Variants in ZNF577 observed in about 807,000 individuals in gnomAD.
ZNF577 encodes the protein zinc finger protein 577.
ZNF577 carries 14 observed loss-of-function variants against 13.9 expected under a neutral mutation model. The ratio of observed to expected loss-of-function variants is 1.00; its 90% CI spans 0.66 to 1.57. The LOEUF is 1.57. Ranked by LOEUF, ZNF577 falls within the 40% of genes most tolerant of loss-of-function variation. ZNF577 has a pLI of 0.00. For missense variants in ZNF577, 555 were observed against 579.2 expected, an observed-to-expected ratio of 0.96 and a Z score of 0.43; for synonymous variants, 203 against 202.9, an observed-to-expected ratio of 1.00 and a Z score of 0.00.
At chr19:51,852,102 T>G (rs559598735) in intron 5 of ZNF577, among the ~76,000 whole-genome samples, 51 of 152,202 alleles carry the variant, frequency 3.4e-4, no homozygotes, top group Non-Finnish European at 6.2e-4. Flanking sequence ...CTGTCCTGCC[T>G]CTAGGGCTAT....
chr19:51,853,728 G>C (rs1222103628), intron 5 of ZNF577, among the ~76,000 whole-genome samples: 1 of 152,146 alleles, frequency 6.6e-6, no homozygotes, highest in South Asian at 2.1e-4. Context: ...AACTTTCATT[G>C]AAAATAAGTT....
chr19:51,833,507 G>A (rs149401569), intron 9 of ZNF577, among the ~76,000 whole-genome samples: 107 of 152,262 alleles, frequency 7.0e-4, no homozygotes, highest in African/African-American at 2.5e-3. Flanking sequence ...GCAAAAGCTA[G>A]TTCAGGCATC....
At chr19:51,832,580 G>C (rs1003358964) in intron 9 of ZNF577, among the ~76,000 whole-genome samples, 4 of 151,992 alleles carry the variant, frequency 2.6e-5, no homozygotes, top group African/African-American at 9.7e-5. Flanking sequence ...TTTACAGATT[G>C]TGCTTTTGGT....
At chr19:51,856,892 C>G (rs991434317) in intron 5 of ZNF577, among the ~76,000 whole-genome samples, 1 of 151,850 alleles carries the variant, frequency 6.6e-6, no homozygotes, top group Admixed American at 6.6e-5. Context: ...TTCCTAGAAG[C>G]AGCATGATTT....
chr19:51,824,815 G>C lies in ZNF577; in HGVS notation c.*600-13141C>G. On this transcript the variant is annotated intron_variant and NMD_transcript_variant, in intron 9 of 10. Transcript: ENST00000638827. This position sits in a 1 kb window ranked among gnomAD's most constrained non-coding sequence, Gnocchi z 4.7. ...ACGGAGTTACAAGCAATGTGAGGTCGGGGATATTTTTGGGCTCTGTCTCTT... is the reference window on the plus strand; with the variant it reads ...ACGGAGTTACAAGCAATGTGAGGTCCGGGATATTTTTGGGCTCTGTCTCTT... 1 of 1,597,888 alleles carries C rather than the reference G, an allele frequency of 6.3e-7. No individual in the cohort carries two copies. The highest frequency in any genetic ancestry group is 8.5e-7 in the Non-Finnish European group (1 of 1,171,066).
chr19:51,852,191 G>T (rs2084382139), intron 5 of ZNF577, among the ~76,000 whole-genome samples: 1 of 152,184 alleles, frequency 6.6e-6, no homozygotes, highest in Admixed American at 6.5e-5. Flanking sequence ...CTGCTCTTTG[G>T]AAAGCTCATT....
At chr19:51,820,123 G>T (rs1469896620) in intron 9 of ZNF577, among the ~76,000 whole-genome samples, 2 of 152,326 alleles carry the variant, frequency 1.3e-5, no homozygotes, top group East Asian at 3.9e-4. Context: ...GAGTGGAATA[G>T]TAGAGGAAGT....
At chr19:51,854,759 T>G (rs1393118202) in intron 5 of ZNF577, among the ~76,000 whole-genome samples, 1 of 152,188 alleles carries the variant, frequency 6.6e-6, no homozygotes, top group African/African-American at 2.4e-5. Flanking sequence ...TCTGAGACTT[T>G]CATTACATAT....
At chr19:51,853,693 T>C (rs546543050) in intron 5 of ZNF577, among the ~76,000 whole-genome samples, 1 of 152,318 alleles carries the variant, frequency 6.6e-6, no homozygotes, top group South Asian at 2.1e-4. Context: ...TATCCCCAGA[T>C]TTGTGAGCTT....
At chr19:51,884,661 A>C (rs2084914951) in intron 1 of ZNF577, among the ~76,000 whole-genome samples, 1 of 152,192 alleles carries the variant, frequency 6.6e-6, no homozygotes, top group African/African-American at 2.4e-5. Flanking sequence ...AAAAAGAATT[A>C]TAGAGATAGG....
intron 9 of ZNF577, among the ~76,000 whole-genome samples, chr19:51,827,600 G>A (rs1462945014): frequency 6.6e-6 from 1 of 152,114 alleles, no homozygotes; most frequent in Non-Finnish European, 1.5e-5. Flanking sequence ...TATGAATCAG[G>A]TCAGGTCTAG....
intron 10 of ZNF577, among the ~76,000 whole-genome samples, chr19:51,810,220 A>G (rs1458962604): frequency 6.6e-6 from 1 of 152,254 alleles, no homozygotes; most frequent in Non-Finnish European, 1.5e-5. Context: ...GATGAAGCTC[A>G]GTTCCTACAT....
chr19:51,822,104 C>A (rs1568432496), intron 9 of ZNF577, among the ~76,000 whole-genome samples: 1 of 152,164 alleles, frequency 6.6e-6, no homozygotes, highest in Non-Finnish European at 1.5e-5. Flanking sequence ...ACAAGGGACA[C>A]AGAGACCTTT....
chr19:51,816,553 T>C (rs901445585), intron 9 of ZNF577, among the ~76,000 whole-genome samples: 2 of 152,236 alleles, frequency 1.3e-5, no homozygotes, highest in Non-Finnish European at 2.9e-5. Flanking sequence ...TGGCCTAAGA[T>C]GTACTCTTTA....
In ZNF577 at chr19:51,874,575, C is replaced by T. The variant is rs150570900; in HGVS notation, c.284-869G>A. 3.3e-5 allele frequency among the ~76,000 whole-genome samples: 5 copies of T among 151,882 alleles called. No homozygotes were observed. The East Asian group carries it at 9.7e-4, about 29-fold the overall frequency. ...AAATACAAAAGTTTGGCAAGGCTGG[C>T]AGGATTAAAAACATGAAGATTTTGG... On this transcript the variant is annotated intron_variant, in intron 5 of 5. Coordinates refer to ENST00000638348, the MANE Select transcript of ZNF577 (RefSeq NM_001370449.1).
chr19:51,822,597 G>T (rs2084198512), intron 9 of ZNF577, among the ~76,000 whole-genome samples: 1 of 152,150 alleles, frequency 6.6e-6, no homozygotes. Flanking sequence ...CATTCCTGTG[G>T]AAACTACAAA....
rs369768303 is a variant in ZNF577, at chr19:51,857,365, G to GGAAAGAAAGAAAGAAA, written c.284-12450_284-12435dup. On this transcript the variant is annotated intron_variant and NMD_transcript_variant, in intron 5 of 10. Coordinates refer to the ZNF577 transcript ENST00000638827. ...AAGAAAGAGAGAAAGAAAGAAGGAAGGAAAGAAAGAAAGAAAGAAAGAAAG... is the reference window on the plus strand; with the variant it reads ...AAGAAAGAGAGAAAGAAAGAAGGAAGGAAAGAAAGAAAGAAAGAAAGAAAGAAAGAAAGAAAGAAAG... Among the ~76,000 whole-genome samples, 476 of 93,328 alleles carry GGAAAGAAAGAAAGAAA rather than the reference G, an allele frequency of 5.1e-3. 2 individuals are homozygous for GGAAAGAAAGAAAGAAA. Among genetic ancestry groups the GGAAAGAAAGAAAGAAA allele is most frequent in the East Asian group, 0.013 (44 of 3,446 alleles). The allele number at this position is 93,328 out of a possible 152,430, so 61.2% of individuals were successfully genotyped here.
At chr19:51,852,309 C>A (rs1490894415) in intron 5 of ZNF577, among the ~76,000 whole-genome samples, 2 of 152,198 alleles carry the variant, frequency 1.3e-5, no homozygotes, top group Admixed American at 1.3e-4. Context: ...GAAACAATTG[C>A]AACCCACCTT....
In ZNF577 at chr19:51,873,412, T is replaced by A; in HGVS notation, c.578A>T (p.Lys193Ile). The change falls in exon 6 of 6, where the codon AAA (lysine) becomes ATA (isoleucine). Residue 193 changes from lysine to isoleucine, a missense_variant. By Grantham distance (102) the Lys-to-Ile change is moderately radical. Transcript: ENST00000638348. ...GAGCTGAATCTTCCTCATGAATGTT[T>A]TCCCACATTCACCACATCCATGGGG... is the stretch of plus-strand genomic sequence containing the variant. Reference protein sequence around the residue: ...EKPHGCGECGKTFMRKIQLTE... With the variant: ...EKPHGCGECGITFMRKIQLTE... 6 of 1,614,218 alleles carry A rather than the reference T, an allele frequency of 3.7e-6. No homozygotes were observed. Among genetic ancestry groups the A allele is most frequent in the Non-Finnish European group, 4.2e-6 (5 of 1,180,040 alleles).
Sources: allele counts gnomAD v4.1 joint callset (sites outside exome capture counted in the v4.1 genomes callset), GRCh38; gene constraint gnomAD v4.1.1; non-coding constraint Gnocchi (gnomAD v3.1); transcripts MANE v1.5; gene names NCBI Gene and HGNC (gene_info 2026-07-23, HGNC 2026-07-21).